Variants in NEBL observed in about 807,000 individuals in gnomAD.
The protein encoded by NEBL is LIM and SH3 protein 2.
In NEBL, 122 loss-of-function variants were observed where a neutral mutation model predicts 140.2. The ratio of observed to expected loss-of-function variants is 0.87; its 90% CI spans 0.75 to 1.01. The LOEUF is 1.01. Among genes scored for constraint, NEBL ranks in the 50% least tolerant of loss-of-function variants. The pLI is 0.00. For missense variants in NEBL, 1,365 were observed against 1,231.3 expected (o/e 1.11, Z -1.62); for synonymous variants, 436 against 398.9 (o/e 1.09, Z -1.11).
chr10:20,873,893 C>T (rs367835722), intron 5 of NEBL, among the ~76,000 whole-genome samples: 81 of 152,158 alleles, frequency 5.3e-4, no homozygotes, highest in African/African-American at 1.9e-3. Context: ...TCCATTTCTT[C>T]GAATATTTTA....
At chr10:21,187,534 TA>T (rs1332338659) in intron 3 of NEBL, among the ~76,000 whole-genome samples, 1 of 151,446 alleles carries the variant, frequency 6.6e-6, no homozygotes, top group Non-Finnish European at 1.5e-5. Context: ...TTATTGTTAT[TA>T]CTAAGGTCAG....
chr10:21,083,528 A>G (rs1836482301), intron 2 of NEBL, among the ~76,000 whole-genome samples: 1 of 152,142 alleles, frequency 6.6e-6, no homozygotes, highest in Non-Finnish European at 1.5e-5. Context: ...CTTAGCTAAG[A>G]TCATCAGCCA....
At chr10:20,868,411 G>T (rs1312299625) in intron 7 of NEBL, 11 of 455,324 alleles carry the variant, frequency 2.4e-5, no homozygotes, top group South Asian at 6.7e-5. Flanking sequence ...TGACAACATG[G>T]CTAGAGACAT....
chr10:20,958,826 G>T (rs184634843), intron 4 of NEBL, among the ~76,000 whole-genome samples: 3 of 152,096 alleles, frequency 2.0e-5, no homozygotes, highest in African/African-American at 7.2e-5. Context: ...CCCAGAAAAG[G>T]CAAGTTCACC....
At chr10:21,199,508 G>A (rs1263861703) in intron 3 of NEBL, among the ~76,000 whole-genome samples, 2 of 152,166 alleles carry the variant, frequency 1.3e-5, no homozygotes, top group East Asian at 3.9e-4. Flanking sequence ...CCCCTTAAAT[G>A]TATGTATCAG....
At position 20,889,885 on chromosome 10, in the gene NEBL, A is replaced by G. The variant is rs374218451; in HGVS notation, c.218T>C (p.Met73Thr). Residue 73 changes from methionine to threonine, a missense_variant, in exon 3 of 28, where the codon ATG becomes ACG. Physicochemically the swap from Met to Thr is moderately conservative, Grantham distance 81. This residue lies in a region of NEBL where 1,323 missense variants were observed against 1,154.8 expected (regional missense o/e 1.15). Transcript: ENST00000377122. The part of the protein sequence containing the change: ...DKCTFVTDSP[M>T]LNHVKNIGAF... Reference sequence around the variant, plus strand: ...ACCGATATTTTTTACATGGTTTAGCATAGGACTGTCAGTCACAAATGTACA... The same window carrying G: ...ACCGATATTTTTTACATGGTTTAGCGTAGGACTGTCAGTCACAAATGTACA... The G allele has an allele frequency of 9.9e-5, 160 of 1,613,114 alleles. No homozygotes were observed. The highest frequency in any genetic ancestry group is 1.3e-4 in the Non-Finnish European group (156 of 1,179,326).
intron 3 of NEBL, among the ~76,000 whole-genome samples, chr10:21,221,530 A>G (rs1298984631): frequency 6.6e-6 from 1 of 151,360 alleles, no homozygotes; most frequent in East Asian, 1.9e-4. Flanking sequence ...TTTTTGACAG[A>G]GGCTTGCTTT....
chr10:20,927,933 T>C (rs1036708787), intron 4 of NEBL, among the ~76,000 whole-genome samples: 5 of 152,196 alleles, frequency 3.3e-5, no homozygotes, highest in Non-Finnish European at 7.3e-5. Flanking sequence ...AGAGATACAA[T>C]GTGAGCCACA....
chr10:20,939,875 A>G (rs1735990621), intron 4 of NEBL, among the ~76,000 whole-genome samples: 2 of 152,190 alleles, frequency 1.3e-5, no homozygotes, highest in Non-Finnish European at 2.9e-5. Context: ...AATTCAACAA[A>G]AAGAGCTAAC....
chr10:21,281,744 T>G (rs1410091618), intron 1 of NEBL, among the ~76,000 whole-genome samples: 1 of 152,078 alleles, frequency 6.6e-6, no homozygotes, highest in East Asian at 1.9e-4. Flanking sequence ...TTTGGAAAAA[T>G]GCATAATGAT....
chr10:21,050,144 T>C (rs372642990), intron 2 of NEBL, among the ~76,000 whole-genome samples: 20 of 152,324 alleles, frequency 1.3e-4, no homozygotes, highest in African/African-American at 4.3e-4. Flanking sequence ...ATACCATTCT[T>C]TATAATCTAT....
intron 7 of NEBL, among the ~76,000 whole-genome samples, chr10:20,860,167 C>A (rs947068557): frequency 6.6e-6 from 1 of 152,018 alleles, no homozygotes; most frequent in Non-Finnish European, 1.5e-5. Context: ...GTCTTAAGGT[C>A]TAACACATTT....
chr10:21,177,475 A>G (rs73609223), upstream of NEBL, among the ~76,000 whole-genome samples: 199 of 152,286 alleles, frequency 1.3e-3, no homozygotes, highest in African/African-American at 4.2e-3. Context: ...TTTCCACTTC[A>G]TCAACAACAA....
chr10:21,092,193 T>G (rs1190799216), intron 2 of NEBL, among the ~76,000 whole-genome samples: 1 of 152,230 alleles, frequency 6.6e-6, no homozygotes, highest in Non-Finnish European at 1.5e-5. Flanking sequence ...TTTCATTGAT[T>G]GTGGGAACAA....
chr10:20,815,719 T>G lies in NEBL; in HGVS notation c.2149-2A>C, dbSNP rs367588562. The G allele has an allele frequency of 2.5e-6, 4 of 1,574,770 alleles. No individual in the cohort carries two copies. The highest frequency in any genetic ancestry group is 3.5e-6 in the Non-Finnish European group (4 of 1,144,528). Reference sequence around the variant, plus strand: ...TCCCAGCTGACCTCTGTAATAAACCTATCATTTCAGAGAACAAAAAATAGA... The same window carrying G: ...TCCCAGCTGACCTCTGTAATAAACCGATCATTTCAGAGAACAAAAAATAGA... On this transcript the variant is annotated splice_acceptor_variant, in intron 21 of 27. Transcript: ENST00000377122. LOFTEE classifies it high-confidence loss of function.
intron 3 of NEBL, among the ~76,000 whole-genome samples, chr10:20,967,397 G>A (rs909451475): frequency 6.6e-6 from 1 of 152,214 alleles, no homozygotes; most frequent in Admixed American, 6.5e-5. Flanking sequence ...GGAGGCCGGG[G>A]CAGGTGGATC....
chr10:21,012,388 C>T (rs1269665147), intron 3 of NEBL, among the ~76,000 whole-genome samples: 1 of 152,084 alleles, frequency 6.6e-6, no homozygotes, highest in Admixed American at 6.5e-5. Flanking sequence ...GAGACAGGGT[C>T]TCACTCTGTC....
chr10:20,846,875 T>G (rs1335512793), intron 11 of NEBL, among the ~76,000 whole-genome samples: 1 of 152,112 alleles, frequency 6.6e-6, no homozygotes, highest in Non-Finnish European at 1.5e-5. Context: ...TTGGGTATGC[T>G]TTTTGAAGAA....
At chr10:20,946,417 G>C (rs1233234587) in intron 4 of NEBL, among the ~76,000 whole-genome samples, 1 of 152,118 alleles carries the variant, frequency 6.6e-6, no homozygotes, top group Non-Finnish European at 1.5e-5. Context: ...CATTTCTTGA[G>C]CCAGGAGTAG....
Sources: gnomAD v4.1 joint callset for allele counts (sites outside exome capture counted in the v4.1 genomes callset) on GRCh38, gnomAD v4.1.1 for gene constraint, gnomAD v4.1.1 regional missense constraint, MANE v1.5 for transcripts, NCBI Gene and HGNC (gene_info 2026-07-23, HGNC 2026-07-21) for gene names.